FAM171B: variants seen among roughly 807,000 people sequenced by gnomAD.
The protein encoded by FAM171B is protein FAM171B.
In FAM171B, 19 loss-of-function variants were observed where a neutral mutation model predicts 75.6. The observed-to-expected ratio is 0.25, with a 90% CI of 0.18 to 0.37. The LOEUF (loss-of-function observed/expected upper bound fraction) is 0.37. Among genes scored for constraint, FAM171B ranks in the 10% least tolerant of loss-of-function variants. The pLI is 1.00. For synonymous variants in FAM171B, 367 were observed against 361.7 expected, an observed-to-expected ratio of 1.01 and a Z score of -0.17; for missense variants, 848 against 982.4, an observed-to-expected ratio of 0.86 and a Z score of 1.83.
At chr2:186,703,598 C>G (rs1410196819) in intron 1 of FAM171B, among the ~76,000 whole-genome samples, 1 of 152,172 alleles carries the variant, frequency 6.6e-6, no homozygotes, top group African/African-American at 2.4e-5. Flanking sequence ...AATGGATTAG[C>G]TATAACCAGG....
intron 1 of FAM171B, among the ~76,000 whole-genome samples, chr2:186,698,566 G>A (rs950186508): frequency 6.6e-6 from 1 of 152,078 alleles, no homozygotes; most frequent in African/African-American, 2.4e-5. Context: ...GGCTACATGA[G>A]ATATTTTGAT....
chr2:186,738,471 T>C (rs1690237403), intron 1 of FAM171B, among the ~76,000 whole-genome samples: 1 of 151,924 alleles, frequency 6.6e-6, no homozygotes, highest in Admixed American at 6.6e-5. Flanking sequence ...GCATGCAGAA[T>C]AGTCCATGGG....
intron 1 of FAM171B, among the ~76,000 whole-genome samples, chr2:186,707,094 T>C (rs16828182): frequency 0.17 from 25,176 of 152,200 alleles, 2,220 homozygotes; most frequent in Middle Eastern, 0.25. Context: ...CAGAGCTCAC[T>C]TCTGAATATA....
In FAM171B at chr2:186,694,140, G is replaced by T; in HGVS notation, c.-34G>T. On this transcript the variant is annotated 5_prime_UTR_variant, in exon 1 of 8. Transcript: ENST00000304698. ...GGCGCCCGCCGCCGCCCGGAGCCCCGCAATATGCCGCCGCGGCCCTCTGGC... is the reference window on the plus strand; with the variant it reads ...GGCGCCCGCCGCCGCCCGGAGCCCCTCAATATGCCGCCGCGGCCCTCTGGC... 6.6e-7 allele frequency: 1 copy of T among 1,505,706 alleles called. No individual in the cohort carries two copies. The highest frequency in any genetic ancestry group is 8.8e-7 in the Non-Finnish European group (1 of 1,135,234). The allele number at this position is 1,505,706 out of a possible 1,614,324, so 93.3% of individuals were successfully genotyped here.
rs1457651914 is a variant in FAM171B, at chr2:186,764,673, C to T, written c.*1850C>T. The T allele has an allele frequency of 1.3e-5, 2 of 151,630 alleles. No individual in the cohort carries two copies. The highest frequency in any genetic ancestry group is 3.0e-5 in the Non-Finnish European group (2 of 67,768). 9.4% of individuals were successfully genotyped at this position (151,630 alleles called of 1,614,324 possible). A position where few individuals can be genotyped will look rare whatever the true frequency, so the allele number is the denominator to read the frequency against. ...AACATCTTTTTTAAGTGTGCATTTT[C>T]TTTCAGTTAACCAAATTAAACAGAT... On this transcript the variant is annotated 3_prime_UTR_variant, in exon 8 of 8. Coordinates refer to ENST00000304698, the MANE Select transcript of FAM171B (RefSeq NM_177454.4).
intron 1 of FAM171B, among the ~76,000 whole-genome samples, chr2:186,713,178 G>T (rs998851734): frequency 6.6e-6 from 1 of 152,184 alleles, no homozygotes; most frequent in Non-Finnish European, 1.5e-5. Flanking sequence ...GGTCTGAGGG[G>T]TGGTTAAGGG....
Position 186,740,477 on chromosome 2 carries a change from G to GTT in FAM171B, c.472+24_472+25dup. ...AGAATGCCAAGTAAGCACTTAAACA[G>GTT]TTTTTTTTTGTTTGTTTTTGCTAAA... On this transcript the variant is annotated intron_variant, in intron 2 of 7. Coordinates refer to ENST00000304698, the MANE Select transcript of FAM171B (RefSeq NM_177454.4). 2 of 1,557,466 alleles carry GTT rather than the reference G, an allele frequency of 1.3e-6. No individual in the cohort carries two copies. Among genetic ancestry groups the GTT allele is most frequent in the Non-Finnish European group, 1.8e-6 (2 of 1,142,236 alleles).
At chr2:186,713,904 A>G (rs932805951) in intron 1 of FAM171B, among the ~76,000 whole-genome samples, 1 of 152,344 alleles carries the variant, frequency 6.6e-6, no homozygotes, top group African/African-American at 2.4e-5. Flanking sequence ...TCTGTTCAGA[A>G]AATCTTAACA....
In FAM171B at chr2:186,762,810, T is replaced by G. The variant is rs1365407778; in HGVS notation, c.2468T>G (p.Ile823Ser). 1.9e-6 allele frequency: 3 copies of G among 1,610,190 alleles called. No homozygotes were observed. The highest frequency in any genetic ancestry group is 2.5e-6 in the Non-Finnish European group (3 of 1,178,094). The change falls in exon 8 of 8, where the codon ATT (isoleucine) becomes AGT (serine). Residue 823 changes from isoleucine to serine, a missense_variant. Physicochemically the swap from Ile to Ser is moderately radical, Grantham distance 142. Coordinates refer to ENST00000304698, the MANE Select transcript of FAM171B (RefSeq NM_177454.4). The surrounding 1 kb of genome is among the most constrained non-coding windows in gnomAD (Gnocchi z 4.0). The stretch of plus-strand genomic sequence containing the variant: ...AAGAAGCGAGAGGAACGCCCACTGA[T>G]TCCCATAAATTAACTCCAATGGGGA... The part of the protein sequence containing the change: ...IWKKREERPL[I>S]PIN
rs955592188 is a variant in FAM171B at position 186,760,989 on chromosome 2, C to T, written c.1013-124C>T. 35 of 1,001,224 alleles carry T rather than the reference C, an allele frequency of 3.5e-5. 1 individual carries two copies. Among genetic ancestry groups the T allele is most frequent in the Admixed American group, 1.5e-4 (5 of 32,428 alleles). The allele number at this position is 1,001,224 out of a possible 1,614,324, so 62.0% of individuals were successfully genotyped here. A position where few individuals can be genotyped will look rare whatever the true frequency, so the allele number is the denominator to read the frequency against. ...TTACTTCACCCATAGGGAAATCTGT[C>T]ATAGGAGGGGGGCAAACAAATAAAA... On this transcript the variant is annotated intron_variant, in intron 6 of 7. Coordinates refer to ENST00000304698, the MANE Select transcript of FAM171B (RefSeq NM_177454.4).
At position 186,764,758 on chromosome 2, in the gene FAM171B, G is replaced by A. The variant is rs1690675730; in HGVS notation, c.*1935G>A. The A allele has an allele frequency of 6.6e-6, 1 of 151,816 alleles. No homozygotes were observed. The highest frequency in any genetic ancestry group is 2.1e-4 in the South Asian group (1 of 4,824). 9.4% of individuals were successfully genotyped at this position (151,816 alleles called of 1,614,324 possible). On this transcript the variant is annotated 3_prime_UTR_variant, in exon 8 of 8. Transcript: ENST00000304698. ...CATGTTGGAACAATAAATATTGCAT[G>A]TGAGTAGTATTTCTTGTTTTTTGAA...
At chr2:186,760,737 G>A (rs1047069936) in intron 6 of FAM171B, among the ~76,000 whole-genome samples, 18 of 151,834 alleles carry the variant, frequency 1.2e-4, no homozygotes, top group African/African-American at 4.4e-4. Context: ...CATTTCATGA[G>A]TGTTTCAGGA....
intron 1 of FAM171B, among the ~76,000 whole-genome samples, chr2:186,696,516 C>T (rs558336678): frequency 1.4e-5 from 2 of 143,272 alleles, no homozygotes; most frequent in South Asian, 4.9e-4. Flanking sequence ...AATGGCTTCC[C>T]GTCTCTCTCA....
chr2:186,755,365 A>G (rs2105791348), intron 6 of FAM171B, among the ~76,000 whole-genome samples: 1 of 152,310 alleles, frequency 6.6e-6, no homozygotes, highest in East Asian at 1.9e-4. Flanking sequence ...ACAAAGCAAA[A>G]CATTTAGTGT....
At chr2:186,702,753 C>G (rs975699647) in intron 1 of FAM171B, among the ~76,000 whole-genome samples, 2 of 151,948 alleles carry the variant, frequency 1.3e-5, no homozygotes, top group Non-Finnish European at 2.9e-5. Flanking sequence ...CCTAGTGAAC[C>G]AGAACTGTAA....
At chr2:186,760,994 G>C (rs567709930) in intron 6 of FAM171B, 119 bp from the exon 7 acceptor site, 307 of 1,045,916 alleles carry the variant, frequency 2.9e-4, no homozygotes, top group Non-Finnish European at 3.9e-4. Flanking sequence ...TCTGTCATAG[G>C]AGGGGGGCAA....
chr2:186,699,026 T>A (rs1356690202), intron 1 of FAM171B, among the ~76,000 whole-genome samples: 1 of 152,204 alleles, frequency 6.6e-6, no homozygotes, highest in Non-Finnish European at 1.5e-5. Context: ...ATCCACTATC[T>A]GTTAATGGAC....
At chr2:186,730,257 C>T (rs539111409) in intron 1 of FAM171B, among the ~76,000 whole-genome samples, 1 of 152,288 alleles carries the variant, frequency 6.6e-6, no homozygotes, top group East Asian at 1.9e-4. Flanking sequence ...CCACACCTGG[C>T]CAGCTGTGCA....
chr2:186,696,247 A>G (rs921122933), intron 1 of FAM171B, among the ~76,000 whole-genome samples: 2 of 152,020 alleles, frequency 1.3e-5, no homozygotes, highest in Non-Finnish European at 2.9e-5. Flanking sequence ...CAAAAACTCT[A>G]ATTACCCAAG....
Sources: allele counts gnomAD v4.1 joint callset (sites outside exome capture counted in the v4.1 genomes callset), GRCh38; gene constraint gnomAD v4.1.1; non-coding constraint Gnocchi (gnomAD v3.1); transcripts MANE v1.5; gene names NCBI Gene and HGNC (gene_info 2026-07-23, HGNC 2026-07-21).